CDYL2: variants seen among roughly 807,000 people sequenced by gnomAD.
CDYL2 encodes the protein chromodomain Y-like protein 2.
Under a neutral mutation model 49.4 loss-of-function variants are expected in CDYL2, and 23 were observed. That is an observed-to-expected ratio of 0.47 (90% CI 0.34 to 0.66). CDYL2 has a LOEUF of 0.66. Ranked by LOEUF, CDYL2 falls within the 30% of genes least tolerant of loss-of-function variation. The probability of loss-of-function intolerance (pLI) is 0.01; values close to 1 mark genes in which losing one functional copy is unlikely to be tolerated. For synonymous variants in CDYL2, 360 were observed against 268.8 expected (o/e 1.34, Z -3.32); for missense variants, 678 against 656.4 (o/e 1.03, Z -0.36).
intron 1 of CDYL2, among the ~76,000 whole-genome samples, chr16:80,703,112 A>T (rs1053791858): frequency 1.3e-5 from 2 of 152,316 alleles, no homozygotes; most frequent in Middle Eastern, 3.4e-3. Context: ...AATTATCTCA[A>T]CCATGTAGAA....
rs540564935 is a variant in CDYL2, at chr16:80,767,722, C to G, written c.24+36428G>C. Among the ~76,000 whole-genome samples the G allele has an allele frequency of 2.0e-5, 3 of 152,306 alleles. 1 individual carries two copies. In the South Asian group the frequency reaches 6.2e-4, roughly 32 times the overall value. ...TGCAGTCACAGGATGCTGGAGAATG[C>G]AACTGAAATGCCAGCTTGTGGCAGA... is the stretch of plus-strand genomic sequence containing the variant. On this transcript the variant is annotated intron_variant, in intron 1 of 6. Transcript: ENST00000570137.
chr16:80,619,878 T>C (rs889053424), intron 4 of CDYL2, among the ~76,000 whole-genome samples: 1 of 152,158 alleles, frequency 6.6e-6, no homozygotes, highest in Admixed American at 6.5e-5. Flanking sequence ...AAGCCCCCTA[T>C]AGCCACGTGG....
chr16:80,653,093 A>G (rs1489609321), intron 2 of CDYL2, among the ~76,000 whole-genome samples: 1 of 152,230 alleles, frequency 6.6e-6, no homozygotes, highest in Non-Finnish European at 1.5e-5. Flanking sequence ...AGATGTTCAT[A>G]GGAGAAACTA....
In CDYL2 at chr16:80,684,965, G is replaced by A. The variant is rs1910128512; in HGVS notation, c.189C>T (p.Asp63=). ...DEFNGLHMSK[D]KRIKSGKQSS... is the part of the protein sequence containing the mutation. ...ACTGCTTCCCTGACTTGATCCTCTT[G>A]TCCTTGGACATGTGCAACCCATTGA... The change falls in exon 2 of 7, where the codon GAC becomes GAT. Residue 63 remains aspartate (D), a synonymous_variant. Transcript: ENST00000570137. The A allele has an allele frequency of 6.2e-7, 1 of 1,614,154 alleles. No individual in the cohort carries two copies. The highest frequency in any genetic ancestry group is 2.2e-5 in the East Asian group (1 of 44,886).
intron 3 of CDYL2, among the ~76,000 whole-genome samples, chr16:80,624,399 C>T (rs1294877188): frequency 6.6e-6 from 1 of 152,150 alleles, no homozygotes; most frequent in African/African-American, 2.4e-5. Flanking sequence ...AGTTACCACA[C>T]CCACATGGGG....
At chr16:80,739,284 C>T (rs1036737317) in intron 1 of CDYL2, among the ~76,000 whole-genome samples, 6 of 152,050 alleles carry the variant, frequency 3.9e-5, no homozygotes, top group Admixed American at 2.0e-4. Flanking sequence ...TTAATGGGGA[C>T]AGAGATTCAG....
chr16:80,661,906 C>T (rs1487995671), intron 2 of CDYL2, among the ~76,000 whole-genome samples: 1 of 152,160 alleles, frequency 6.6e-6, no homozygotes, highest in African/African-American at 2.4e-5. Flanking sequence ...GCCTAGAGGA[C>T]ACCGCATGCT....
intron 2 of CDYL2, among the ~76,000 whole-genome samples, chr16:80,651,119 T>C (rs1012028418): frequency 6.6e-6 from 1 of 152,210 alleles, no homozygotes; most frequent in Non-Finnish European, 1.5e-5. Flanking sequence ...ACTGGATTGT[T>C]TGTAACACAA....
chr16:80,738,922 C>A (rs532093471), intron 1 of CDYL2, among the ~76,000 whole-genome samples: 3 of 152,092 alleles, frequency 2.0e-5, no homozygotes, highest in Non-Finnish European at 4.4e-5. Flanking sequence ...GTAAAAAAAG[C>A]GCTACATGCT....
chr16:80,602,117 C>G lies in CDYL2; in HGVS notation c.*2271G>C, dbSNP rs1906115057. 1 of 152,222 alleles carries G rather than the reference C, an allele frequency of 6.6e-6. No individual in the cohort carries two copies. Among genetic ancestry groups the G allele is most frequent in the African/African-American group, 2.4e-5 (1 of 41,454 alleles). 9.4% of individuals were successfully genotyped at this position (152,222 alleles called of 1,614,324 possible). The stretch of plus-strand genomic sequence containing the variant: ...TGAAAATTTAGCAGTAGTGAAGACA[C>G]TGTCTGCCACAATATGTAAGAACCA... On this transcript the variant is annotated 3_prime_UTR_variant, in exon 7 of 7. Coordinates refer to ENST00000570137, the MANE Select transcript of CDYL2 (RefSeq NM_152342.4).
intron 2 of CDYL2, among the ~76,000 whole-genome samples, chr16:80,673,632 G>C (rs1171250165): frequency 6.6e-6 from 1 of 152,118 alleles, no homozygotes; most frequent in African/African-American, 2.4e-5. Context: ...GCCCATTCAA[G>C]AATACAAACC....
intron 2 of CDYL2, among the ~76,000 whole-genome samples, chr16:80,672,019 T>A (rs535402830): frequency 2.0e-5 from 3 of 152,182 alleles, no homozygotes; most frequent in Non-Finnish European, 4.4e-5. Context: ...GATTTCTGAT[T>A]TTTTCTGATT....
chr16:80,746,231 C>T (rs1905925892), intron 1 of CDYL2, among the ~76,000 whole-genome samples: 1 of 152,164 alleles, frequency 6.6e-6, no homozygotes, highest in Non-Finnish European at 1.5e-5. Context: ...GACTAAAATC[C>T]AACTCTGTCT....
Position 80,684,866 on chromosome 16 carries a change from A to C in CDYL2, c.288T>G (p.Pro96=). The change falls in exon 2 of 7, where the codon CCT becomes CCG. Residue 96 remains proline, a synonymous_variant. Coordinates refer to ENST00000570137, the MANE Select transcript of CDYL2 (RefSeq NM_152342.4). ...VEKLSHRPSD[P]GKSKGTSHKR... is the part of the protein sequence containing the mutation. ...TATGGGAGGTCCCCTTGCTCTTTCC[A>C]GGATCTGAAGGTCTGTGGGACAGTT... The C allele has an allele frequency of 6.2e-7, 1 of 1,614,088 alleles. No homozygotes were observed. The highest frequency in any genetic ancestry group is 8.5e-7 in the Non-Finnish European group (1 of 1,180,022).
At chr16:80,651,044 G>A (rs1036689742) in intron 2 of CDYL2, among the ~76,000 whole-genome samples, 7 of 152,086 alleles carry the variant, frequency 4.6e-5, no homozygotes, top group African/African-American at 1.7e-4. Context: ...CCTAGTATAT[G>A]ACAGCACAAC....
At chr16:80,637,379 T>C (rs1400465051) in intron 2 of CDYL2, among the ~76,000 whole-genome samples, 6 of 152,112 alleles carry the variant, frequency 3.9e-5, no homozygotes, top group Non-Finnish European at 5.9e-5. Flanking sequence ...TTTTTCAATA[T>C]CACACTGAGA....
At chr16:80,623,814 C>A (rs2142379618) in intron 3 of CDYL2, among the ~76,000 whole-genome samples, 1 of 152,248 alleles carries the variant, frequency 6.6e-6, no homozygotes, top group South Asian at 2.1e-4. Context: ...GCAGGCTAGG[C>A]TGCCTCTCAA....
intron 1 of CDYL2, among the ~76,000 whole-genome samples, chr16:80,693,957 C>G (rs1375506384): frequency 6.6e-6 from 1 of 152,132 alleles, no homozygotes; most frequent in East Asian, 1.9e-4. Context: ...GGAGCTGACC[C>G]AAGTAACTTT....
chr16:80,691,313 G>A (rs1034381000), intron 1 of CDYL2, among the ~76,000 whole-genome samples: 7 of 152,208 alleles, frequency 4.6e-5, no homozygotes, highest in African/African-American at 1.7e-4. Flanking sequence ...CAAGTTCTGG[G>A]AACAACTTGG....
Sources: allele counts gnomAD v4.1 joint callset (sites outside exome capture counted in the v4.1 genomes callset), GRCh38; gene constraint gnomAD v4.1.1; transcripts MANE v1.5; gene names NCBI Gene and HGNC (gene_info 2026-07-23, HGNC 2026-07-21).